Variants in CEP350 observed in about 807,000 individuals in gnomAD.
CEP350 encodes centrosome-associated protein 350.
CEP350 carries 126 observed loss-of-function variants against 331.8 expected under a neutral mutation model. The observed-to-expected ratio is 0.38, with a 90% confidence interval of 0.33 to 0.44. The LOEUF (loss-of-function observed/expected upper bound fraction) is 0.44, where lower values mean the gene tolerates loss of function less well. CEP350 is among the 20% of genes least tolerant of loss of function. The probability of loss-of-function intolerance (pLI) is 1.00; values close to 1 mark genes in which losing one functional copy is unlikely to be tolerated. For synonymous variants in CEP350, 1,200 were observed against 1,259.5 expected, an observed-to-expected ratio of 0.95 and a Z score of 1.00; for missense variants, 3,406 against 3,634.6, an observed-to-expected ratio of 0.94 and a Z score of 1.62.
intron 17 of CEP350, among the ~76,000 whole-genome samples, chr1:180,040,756 T>C (rs1231191405): frequency 6.6e-6 from 1 of 152,090 alleles, no homozygotes; most frequent in Non-Finnish European, 1.5e-5. Context: ...AACTACTACT[T>C]CAAAGTCAAA....
rs1256055189 is a variant in CEP350 at position 180,084,006 on chromosome 1, T to C, written c.6125-12T>C. The C allele has an allele frequency of 1.0e-5, 14 of 1,406,428 alleles. No homozygotes were observed. Among genetic ancestry groups the C allele is most frequent in the Non-Finnish European group, 1.3e-5 (14 of 1,049,618 alleles). The allele number at this position is 1,406,428 out of a possible 1,614,324, so 87.1% of individuals were successfully genotyped here. A position where few individuals can be genotyped will look rare whatever the true frequency, so the allele number is the denominator to read the frequency against. ...TCAAAATTATAAATAAAAGATTTTG[T>C]ATCTCTTTCAGAAACTACATCTGAC... On this transcript the variant is annotated splice_polypyrimidine_tract_variant and intron_variant, in intron 30 of 37. Coordinates refer to ENST00000367607, the MANE Select transcript of CEP350 (RefSeq NM_014810.5).
intron 4 of CEP350, among the ~76,000 whole-genome samples, chr1:179,991,638 T>C (rs1653071747): frequency 6.7e-6 from 1 of 149,738 alleles, no homozygotes; most frequent in African/African-American, 2.5e-5. Context: ...CAGTACTCTC[T>C]ACCTAAACTG....
intron 31 of CEP350, 168 bp downstream of exon 31, chr1:180,084,346 C>G (rs971023445): frequency 1.9e-6 from 1 of 513,862 alleles, no homozygotes; most frequent in Non-Finnish European, 3.2e-6. Flanking sequence ...GACATTCTTG[C>G]TTAAAACATT....
chr1:180,107,909 G>T (rs930418845), intron 37 of CEP350, among the ~76,000 whole-genome samples: 1 of 152,048 alleles, frequency 6.6e-6, no homozygotes, highest in Non-Finnish European at 1.5e-5. Flanking sequence ...TATTTTAAAT[G>T]TATTAATTTT....
At chr1:180,106,305 T>C (rs1214241840) in intron 37 of CEP350, among the ~76,000 whole-genome samples, 1 of 152,168 alleles carries the variant, frequency 6.6e-6, no homozygotes, top group African/African-American at 2.4e-5. Flanking sequence ...TCTACGTCTT[T>C]CTCATATTAA....
intron 4 of CEP350, among the ~76,000 whole-genome samples, chr1:179,991,455 A>G (rs1169052108): frequency 6.7e-6 from 1 of 149,460 alleles, no homozygotes; most frequent in Non-Finnish European, 1.5e-5. Context: ...GGGCCTTTCT[A>G]ATTTTTGTAT....
Position 180,053,046 on chromosome 1 carries a change from A to G in CEP350, c.4869A>G (p.Ser1623=). ...CAGAAGATGAAATAGAAGAACAATC[A>G]TTTCGATCATTACTACCTTCAGAGA... ...SMTEDEIEEQ[S]FRSLLPSESH... is the part of the protein sequence containing the mutation. The change falls in exon 23 of 38, where the codon TCA becomes TCG. Residue 1623 remains serine, a synonymous_variant. Coordinates refer to ENST00000367607, the MANE Select transcript of CEP350 (RefSeq NM_014810.5). 6.5e-7 allele frequency: 1 copy of G among 1,537,750 alleles called. No individual in the cohort carries two copies. Among genetic ancestry groups the G allele is most frequent in the Non-Finnish European group, 9.0e-7 (1 of 1,112,434 alleles).
chr1:180,108,722 A>T (rs967704682), intron 37 of CEP350, among the ~76,000 whole-genome samples: 4 of 152,208 alleles, frequency 2.6e-5, no homozygotes, highest in African/African-American at 4.8e-5. Context: ...TATTTCGTAG[A>T]TACCCATGAT....
chr1:180,085,031 C>G (rs946114208), intron 31 of CEP350, among the ~76,000 whole-genome samples: 3 of 150,988 alleles, frequency 2.0e-5, no homozygotes, highest in Non-Finnish European at 4.4e-5. Flanking sequence ...TCCCTTCCCC[C>G]TTTCCTCTTT....
chr1:180,074,591 G>T (rs1297557273), intron 27 of CEP350, among the ~76,000 whole-genome samples: 2 of 152,038 alleles, frequency 1.3e-5, no homozygotes, highest in Non-Finnish European at 2.9e-5. Flanking sequence ...GGGGCTTTGG[G>T]GTTTGTTTTT....
intron 29 of CEP350, among the ~76,000 whole-genome samples, 200 bp from the exon 30 acceptor site, chr1:180,080,292 GCCTTCAAAAAAAAATGAGGTCTTAT>G (rs966806275): frequency 5.3e-5 from 8 of 150,650 alleles, no homozygotes; most frequent in African/African-American, 2.0e-4. Flanking sequence ...TTTTTTCTAT[GCCTTCAAAAAAAAATGAGGTCTTAT>G]CCTTTATATA....
At position 180,111,300 on chromosome 1, in the gene CEP350, A is replaced by G; in HGVS notation, c.*139A>G. The G allele has an allele frequency of 9.9e-7, 1 of 1,006,296 alleles. No individual in the cohort carries two copies. The highest frequency in any genetic ancestry group is 1.7e-5 in the South Asian group (1 of 58,762). 62.3% of individuals were successfully genotyped at this position (1,006,296 alleles called of 1,614,324 possible). On this transcript the variant is annotated 3_prime_UTR_variant, in exon 38 of 38. Transcript: ENST00000367607. ...CTTAAAGACTACCAGTATGGAGTTC[A>G]TAGGACAATGTGGTACACCTGGTAT...
In CEP350 at chr1:180,037,101, G is replaced by A. The variant is rs752775905; in HGVS notation, c.4110+12G>A. On this transcript the variant is annotated intron_variant, in intron 17 of 37. Coordinates refer to ENST00000367607, the MANE Select transcript of CEP350 (RefSeq NM_014810.5). ...CTCAGATAATAAAGGTATTTTTGGA[G>A]TTTTTTAGCTTTCTGTGGTTTTTCT... 10 of 1,547,558 alleles carry A rather than the reference G, an allele frequency of 6.5e-6. No individual in the cohort carries two copies. Among genetic ancestry groups the A allele is most frequent in the Non-Finnish European group, 7.8e-6 (9 of 1,152,352 alleles).
At chr1:180,075,302 C>T (rs1004051554) in intron 28 of CEP350, 81 bp downstream of exon 28, 45 of 1,359,564 alleles carry the variant, frequency 3.3e-5, no homozygotes, top group Middle Eastern at 2.6e-4. Flanking sequence ...TTTAAAAATG[C>T]GAGGCTGGGC....
At chr1:180,068,390 AATAAT>A (rs1392673570) in intron 27 of CEP350, among the ~76,000 whole-genome samples, 1 of 152,198 alleles carries the variant, frequency 6.6e-6, no homozygotes, top group Non-Finnish European at 1.5e-5. Flanking sequence ...GAAAGACATT[AATAAT>A]AATGAAAACA....
chr1:180,086,917 G>A (rs542407598), intron 31 of CEP350, among the ~76,000 whole-genome samples: 8 of 152,214 alleles, frequency 5.3e-5, no homozygotes, highest in Non-Finnish European at 8.8e-5. Flanking sequence ...AGGACATTGC[G>A]TACCAGACAT....
At chr1:179,980,276 AT>A (rs945313960) in intron 1 of CEP350, among the ~76,000 whole-genome samples, 18 of 144,226 alleles carry the variant, frequency 1.2e-4, no homozygotes, top group East Asian at 4.1e-4. Flanking sequence ...TCCTAGGCAG[AT>A]TTTTTTTTTC....
chr1:180,044,409 T>C (rs945324892), intron 21 of CEP350, among the ~76,000 whole-genome samples: 1 of 152,164 alleles, frequency 6.6e-6, no homozygotes, highest in Non-Finnish European at 1.5e-5. Context: ...TCTTCCTGCA[T>C]TTAATATTCA....
Position 180,093,115 on chromosome 1 carries a change from A to G in CEP350, c.7010A>G (p.Asp2337Gly), listed in dbSNP as rs1005555630. The G allele has an allele frequency of 3.1e-6, 5 of 1,602,088 alleles. No individual in the cohort carries two copies. Among genetic ancestry groups the G allele is most frequent in the African/African-American group, 1.3e-5 (1 of 74,824 alleles). ...TTGAAAGAGAGACAGTCAGATCAAGATATGAATCATAGTCCAAACATCCAA... is the reference window on the plus strand; with the variant it reads ...TTGAAAGAGAGACAGTCAGATCAAGGTATGAATCATAGTCCAAACATCCAA... Reference protein sequence around the residue: ...EMLKERQSDQDMNHSPNIQSG... With the variant: ...EMLKERQSDQGMNHSPNIQSG... Residue 2337 changes from aspartate (D) to glycine (G), a missense_variant, in exon 34 of 38, where the codon GAT (aspartate) becomes GGT (glycine). Asp to Gly is a moderately conservative substitution (Grantham distance 94). Around this residue, in one of 5 missense-constraint regions of CEP350, gnomAD observed 1,415 missense variants for 1,512.3 expected, o/e 0.94. Coordinates refer to ENST00000367607, the MANE Select transcript of CEP350 (RefSeq NM_014810.5).
Sources: gnomAD v4.1 joint callset for allele counts (sites outside exome capture counted in the v4.1 genomes callset) on GRCh38, gnomAD v4.1.1 for gene constraint, gnomAD v4.1.1 regional missense constraint, MANE v1.5 for transcripts, NCBI Gene and HGNC (gene_info 2026-07-23, HGNC 2026-07-21) for gene names.